Variants in MAPK8 observed in about 807,000 individuals in gnomAD.
The protein encoded by MAPK8 is mitogen-activated protein kinase 8, also known as JUN N-terminal kinase.
MAPK8 carries 13 observed loss-of-function variants against 52.9 expected under a neutral mutation model. The ratio of observed to expected loss-of-function variants is 0.25; its 90% CI spans 0.16 to 0.39. The LOEUF (loss-of-function observed/expected upper bound fraction) is 0.39. Ranked by LOEUF, MAPK8 falls within the 10% of genes least tolerant of loss-of-function variation. The pLI, the probability that MAPK8 is intolerant of heterozygous loss-of-function variation, is 1.00. For synonymous variants in MAPK8, 191 were observed against 169.8 expected (o/e 1.12, Z -0.97); for missense variants, 300 against 519.2 (o/e 0.58, Z 4.10).
intron 1 of MAPK8, among the ~76,000 whole-genome samples, chr10:48,309,759 G>T (rs1841790538): frequency 6.6e-6 from 1 of 152,112 alleles, no homozygotes; most frequent in African/African-American, 2.4e-5. Context: ...TCATCTACAT[G>T]GTTGAGATGC....
chr10:48,428,305 T>C (rs1028624181), intron 10 of MAPK8, among the ~76,000 whole-genome samples: 2 of 152,224 alleles, frequency 1.3e-5, no homozygotes, highest in African/African-American at 4.8e-5. Flanking sequence ...TCCATTTGTG[T>C]TATTGTCCTT....
At chr10:48,427,169 A>G (rs1278706981) in intron 10 of MAPK8, 26 bp downstream of exon 10, 1 of 1,575,238 alleles carries the variant, frequency 6.3e-7, no homozygotes, top group Non-Finnish European at 8.7e-7. Context: ...TCTTAGAGGG[A>G]AAACTGTGAA....
intron 9 of MAPK8, chr10:48,426,828 A>G (rs937797917): frequency 2.1e-6 from 1 of 484,868 alleles, no homozygotes; most frequent in African/African-American, 1.9e-5. Context: ...GAATTCTGTG[A>G]TCTGTGATAT....
intron 1 of MAPK8, among the ~76,000 whole-genome samples, chr10:48,311,922 G>A (rs1434608227): frequency 2.6e-5 from 4 of 152,174 alleles, no homozygotes; most frequent in Admixed American, 1.3e-4. Flanking sequence ...CCAGGTATTC[G>A]GTGATGTAGG....
intron 1 of MAPK8, among the ~76,000 whole-genome samples, chr10:48,390,480 C>T (rs768185706): frequency 1.3e-5 from 2 of 152,326 alleles, no homozygotes; most frequent in East Asian, 3.8e-4. Context: ...CTGATGATTA[C>T]AGCTGTCTTA....
intron 1 of MAPK8, among the ~76,000 whole-genome samples, chr10:48,309,807 A>C (rs941588572): frequency 1.3e-5 from 2 of 152,216 alleles, no homozygotes; most frequent in Non-Finnish European, 2.9e-5. Context: ...AATGTCTGAC[A>C]TTAGGATTCC....
intron 1 of MAPK8, among the ~76,000 whole-genome samples, chr10:48,347,076 G>A (rs774049539): frequency 2.6e-5 from 4 of 152,100 alleles, no homozygotes; most frequent in Non-Finnish European, 5.9e-5. Flanking sequence ...TCTTTGTCTT[G>A]TGTCTTTATT....
intron 1 of MAPK8, among the ~76,000 whole-genome samples, chr10:48,381,045 A>G (rs1256794008): frequency 6.6e-6 from 1 of 152,168 alleles, no homozygotes; most frequent in African/African-American, 2.4e-5. Flanking sequence ...AGTTTACTCA[A>G]AAGTAAACAA....
intron 5 of MAPK8, 74 bp from the exon 6 acceptor site, chr10:48,420,081 G>T (rs1419377768): frequency 9.0e-7 from 1 of 1,115,800 alleles, no homozygotes. Context: ...GCAAGGGATA[G>T]TATAACTTTA....
intron 1 of MAPK8, among the ~76,000 whole-genome samples, chr10:48,348,925 G>A (rs1296181542): frequency 1.4e-5 from 2 of 143,738 alleles, no homozygotes; most frequent in East Asian, 2.0e-4. Flanking sequence ...AGGGATGGAG[G>A]AATATTTACC....
intron 1 of MAPK8, among the ~76,000 whole-genome samples, chr10:48,374,039 A>T (rs2040497268): frequency 6.6e-6 from 1 of 152,196 alleles, no homozygotes; most frequent in African/African-American, 2.4e-5. Flanking sequence ...AGAAATCATA[A>T]CAGTCTCTCA....
chr10:48,347,463 AGG>A (rs1407752981), intron 1 of MAPK8, among the ~76,000 whole-genome samples: 1 of 152,312 alleles, frequency 6.6e-6, no homozygotes, highest in East Asian at 1.9e-4. Context: ...TTTGTTACAT[AGG>A]TATACACGTG....
chr10:48,324,503 GTT>G (rs370766776), intron 1 of MAPK8, among the ~76,000 whole-genome samples: 17 of 117,988 alleles, frequency 1.4e-4, no homozygotes, highest in African/African-American at 3.2e-4. Flanking sequence ...CTGTTTTCTA[GTT>G]TTTTTTTTTT....
At chr10:48,312,332 A>G (rs1842056447) in intron 1 of MAPK8, among the ~76,000 whole-genome samples, 1 of 152,244 alleles carries the variant, frequency 6.6e-6, no homozygotes, top group Non-Finnish European at 1.5e-5. Context: ...GGTACTAACC[A>G]GAGTTCTCAA....
chr10:48,388,850 A>C (rs150659847), intron 1 of MAPK8, among the ~76,000 whole-genome samples: 1 of 152,106 alleles, frequency 6.6e-6, no homozygotes, highest in East Asian at 1.9e-4. Context: ...CTACCTTAGT[A>C]TAGAGGAGGA....
At chr10:48,433,994 C>T (rs1004087825) in intron 11 of MAPK8, among the ~76,000 whole-genome samples, 24 of 152,204 alleles carry the variant, frequency 1.6e-4, no homozygotes, top group Admixed American at 4.6e-4. Flanking sequence ...TTCAGAAGTA[C>T]TTAGCCTAGT....
In MAPK8 at chr10:48,437,653, C is replaced by T. The variant is rs1326215751; in HGVS notation, c.*2624C>T. The T allele has an allele frequency of 6.6e-6, 1 of 152,164 alleles. No individual in the cohort carries two copies. The highest frequency in any genetic ancestry group is 1.5e-5 in the Non-Finnish European group (1 of 68,034). 9.4% of individuals were successfully genotyped at this position (152,164 alleles called of 1,614,324 possible). ...GTTATACTATACGCAGATAGAGCAT[C>T]TCAACTCTGTCATAGTGTTTGCTGA... On this transcript the variant is annotated 3_prime_UTR_variant, in exon 12 of 12. Coordinates refer to ENST00000374189, the MANE Select transcript of MAPK8 (RefSeq NM_001323329.2).
rs191758486 is a variant in MAPK8 at position 48,423,972 on chromosome 10, A to G, written c.617-116A>G. On this transcript the variant is annotated intron_variant, in intron 6 of 11. Coordinates refer to ENST00000374189, the MANE Select transcript of MAPK8 (RefSeq NM_001323329.2). Reference sequence around the variant, plus strand: ...TATTCCGTTAGCTAAAGTTACAATCACTTTTTTTCTTTTCGTGACGTTTTG... The same window carrying G: ...TATTCCGTTAGCTAAAGTTACAATCGCTTTTTTTCTTTTCGTGACGTTTTG... The G allele has an allele frequency of 1.1e-3, 639 of 592,048 alleles. 6 individuals are homozygous for G. The African/African-American group carries it at 0.011, about 10-fold the overall frequency. 36.7% of individuals were successfully genotyped at this position (592,048 alleles called of 1,614,324 possible). A position where few individuals can be genotyped will look rare whatever the true frequency, so the allele number is the denominator to read the frequency against.
chr10:48,356,841 C>CA (rs869186711), intron 1 of MAPK8, among the ~76,000 whole-genome samples: 2 of 30,276 alleles, frequency 6.6e-5, no homozygotes, highest in African/African-American at 9.8e-5. Flanking sequence ...GACTCCGTCT[C>CA]AAAAAAAAAA....
Sources: gnomAD v4.1 joint callset for allele counts (sites outside exome capture counted in the v4.1 genomes callset) on GRCh38, gnomAD v4.1.1 for gene constraint, MANE v1.5 for transcripts, NCBI Gene and HGNC (gene_info 2026-07-23, HGNC 2026-07-21) for gene names.